PREX1: variants seen among roughly 807,000 people sequenced by gnomAD.
The protein encoded by PREX1 is phosphatidylinositol-3,4,5-trisphosphate dependent Rac exchange factor 1.
Under a neutral mutation model 198.3 loss-of-function variants are expected in PREX1, and 41 were observed. That is an observed-to-expected ratio of 0.21 (90% CI 0.16 to 0.27). The LOEUF is 0.27. PREX1 is among the 10% of genes least tolerant of loss of function. PREX1 has a pLI of 1.00. For synonymous variants in PREX1, 843 were observed against 887.2 expected (o/e 0.95, Z 0.89); for missense variants, 1,620 against 2,200.7 (o/e 0.74, Z 5.28).
intron 5 of PREX1, among the ~76,000 whole-genome samples, chr20:48,709,286 G>A (rs552930983): frequency 2.0e-5 from 3 of 152,242 alleles, no homozygotes; most frequent in East Asian, 1.9e-4. Context: ...CCAGAAACAC[G>A]CCCAATAGCT....
chr20:48,807,938 T>A, intron 1 of PREX1, among the ~76,000 whole-genome samples: 1 of 151,952 alleles, frequency 6.6e-6, no homozygotes, highest in Non-Finnish European at 1.5e-5. Context: ...CTGAGCAAGA[T>A]GGGGACACCT....
In PREX1 at chr20:48,679,713, G is replaced by A; in HGVS notation, c.1477C>T (p.Arg493Cys). The change falls in exon 12 of 40, where the codon CGC becomes TGC. Residue 493 changes from arginine (R) to cysteine (C), a missense_variant. Coordinates refer to ENST00000371941, the MANE Select transcript of PREX1 (RefSeq NM_020820.4). ...HQFKNEQVMY[R>C]FRYDDGTYKA... ...TAGGTGCCATCGTCGTAGCGGAAGC[G>A]ATACATCACCTGCTCATTCTTGAAC... 1 of 1,613,828 alleles carries A rather than the reference G, an allele frequency of 6.2e-7. No individual in the cohort carries two copies. The highest frequency in any genetic ancestry group is 8.5e-7 in the Non-Finnish European group (1 of 1,179,720).
chr20:48,688,089 CA>C (rs953867165), intron 10 of PREX1, among the ~76,000 whole-genome samples: 28 of 144,278 alleles, frequency 1.9e-4, no homozygotes, highest in African/African-American at 5.8e-4. Context: ...CAGCCCCAGC[CA>C]AAAAAAAAAT....
chr20:48,700,187 T>C (rs7265843), intron 7 of PREX1, among the ~76,000 whole-genome samples: 1,827 of 152,324 alleles, frequency 0.012, 43 homozygotes, highest in African/African-American at 0.042. Context: ...AAAAACTGAA[T>C]AGTGAAAGAG....
At chr20:48,721,662 T>C (rs2089986510) in intron 5 of PREX1, among the ~76,000 whole-genome samples, 1 of 152,184 alleles carries the variant, frequency 6.6e-6, no homozygotes, top group Non-Finnish European at 1.5e-5. Flanking sequence ...CAGAGAGTCC[T>C]GGGAGGGTAG....
intron 25 of PREX1, among the ~76,000 whole-genome samples, chr20:48,648,381 G>T (rs2089466787): frequency 6.6e-6 from 1 of 152,180 alleles, no homozygotes; most frequent in Non-Finnish European, 1.5e-5. Context: ...TGTCTTAACT[G>T]AAGAGGGATT....
chr20:48,760,269 C>G (rs1183333019), intron 1 of PREX1, among the ~76,000 whole-genome samples: 1 of 152,048 alleles, frequency 6.6e-6, no homozygotes, highest in Non-Finnish European at 1.5e-5. Flanking sequence ...CTACATGCAC[C>G]AAGCACACTC....
the PREX1 span, among the ~76,000 whole-genome samples, chr20:48,863,042 G>C: frequency 6.6e-6 from 1 of 151,840 alleles, no homozygotes; most frequent in East Asian, 1.9e-4. Flanking sequence ...TGCCTGGGCT[G>C]ATCTCAAACT....
intron 1 of PREX1, among the ~76,000 whole-genome samples, chr20:48,778,803 A>C (rs558800114): frequency 1.3e-5 from 2 of 152,348 alleles, no homozygotes; most frequent in African/African-American, 4.8e-5. Context: ...ATCTTGGAAC[A>C]ACCACACACG....
intron 1 of PREX1, among the ~76,000 whole-genome samples, chr20:48,824,779 C>T (rs2090501504): frequency 6.6e-6 from 1 of 151,938 alleles, no homozygotes; most frequent in African/African-American, 2.4e-5. Flanking sequence ...TTTTTAAACA[C>T]CCATTTGGCC....
Position 48,661,444 on chromosome 20 carries a change from A to AAAAAAT in PREX1, c.1739-1384_1739-1383insATTTTT, listed in dbSNP as rs1555832820. 3.6e-3 allele frequency among the ~76,000 whole-genome samples: 177 copies of AAAAAAT among 49,554 alleles called. 1 individual carries two copies. The highest frequency in any genetic ancestry group is 4.6e-3 in the Non-Finnish European group (148 of 31,964). 32.5% of individuals were successfully genotyped at this position (49,554 alleles called of 152,430 possible). ...CAAAAAAAAAAAAAAAAAAAAAAAA[A>AAAAAAT]ATATATATATATATATATATATATA... On this transcript the variant is annotated intron_variant, in intron 15 of 39. Transcript: ENST00000371941.
chr20:48,801,662 C>T (rs1265881573), intron 1 of PREX1, among the ~76,000 whole-genome samples: 1 of 152,252 alleles, frequency 6.6e-6, no homozygotes, highest in African/African-American at 2.4e-5. Context: ...CAGTCACCTC[C>T]TCACTGGTCT....
the PREX1 span, among the ~76,000 whole-genome samples, chr20:48,877,289 G>GAAAA: frequency 6.6e-6 from 1 of 151,064 alleles, no homozygotes; most frequent in Admixed American, 6.6e-5. Context: ...AAAAAAGAAA[G>GAAAA]AAAAAAAAGT....
chr20:48,868,150 A>G, the PREX1 span, among the ~76,000 whole-genome samples: 1 of 152,216 alleles, frequency 6.6e-6, no homozygotes, highest in Non-Finnish European at 1.5e-5. Context: ...AACAGTGAAC[A>G]AAGTGATAAA....
chr20:48,736,558 C>G (rs2122733964), intron 3 of PREX1, among the ~76,000 whole-genome samples: 1 of 152,290 alleles, frequency 6.6e-6, no homozygotes, highest in Middle Eastern at 3.4e-3. Flanking sequence ...TCTATTCCCA[C>G]TTGTCTCAAA....
At chr20:48,725,604 G>C (rs2090006312) in intron 5 of PREX1, among the ~76,000 whole-genome samples, 1 of 152,360 alleles carries the variant, frequency 6.6e-6, no homozygotes, top group African/African-American at 2.4e-5. Context: ...CTTTGGTCAC[G>C]TGGGGTTCAT....
chr20:48,763,811 G>A (rs972362400), intron 1 of PREX1, among the ~76,000 whole-genome samples: 1 of 152,166 alleles, frequency 6.6e-6, no homozygotes, highest in African/African-American at 2.4e-5. Flanking sequence ...GCAGCAGAAG[G>A]GCCAGTCTTA....
chr20:48,789,768 A>G (rs1039330862), intron 1 of PREX1, among the ~76,000 whole-genome samples: 3 of 152,262 alleles, frequency 2.0e-5, no homozygotes, highest in African/African-American at 4.8e-5. Flanking sequence ...TATACAAATC[A>G]TAAGACTGAT....
the PREX1 span, among the ~76,000 whole-genome samples, chr20:48,882,093 C>T: frequency 3.7e-4 from 56 of 152,244 alleles, no homozygotes; most frequent in South Asian, 5.0e-3. Context: ...TTCTTTATAA[C>T]TTTTTACAGC....
Sources: allele counts gnomAD v4.1 joint callset (sites outside exome capture counted in the v4.1 genomes callset), GRCh38; gene constraint gnomAD v4.1.1; transcripts MANE v1.5; gene names NCBI Gene and HGNC (gene_info 2026-07-23, HGNC 2026-07-21).